The following MNAT1 variants were observed in gnomAD, a reference collection of about 807,000 sequenced individuals.
The protein encoded by MNAT1 is CDK-activating kinase assembly factor MAT1.
MNAT1 carries 43 observed loss-of-function variants against 42.0 expected under a neutral mutation model. That is an observed-to-expected ratio of 1.02 (90% confidence interval 0.80 to 1.32). MNAT1 has a LOEUF of 1.32. MNAT1 is among the 40% of genes most tolerant of loss of function. The pLI is 0.00. For missense variants in MNAT1, 306 were observed against 350.4 expected, an observed-to-expected ratio of 0.87 and a Z score of 1.01; for synonymous variants, 118 against 120.0, an observed-to-expected ratio of 0.98 and a Z score of 0.11.
chr14:60,745,985 G>T (rs1250640390), intron 1 of MNAT1, among the ~76,000 whole-genome samples: 1 of 151,700 alleles, frequency 6.6e-6, no homozygotes, highest in Non-Finnish European at 1.5e-5. Flanking sequence ...CTGAAGGGGA[G>T]GTAGTTTGTG....
intron 6 of MNAT1, among the ~76,000 whole-genome samples, chr14:60,854,296 T>C (rs36040227): frequency 6.6e-6 from 1 of 152,240 alleles, no homozygotes; most frequent in Non-Finnish European, 1.5e-5. Context: ...TGAAGCCTAC[T>C]TCTGTCAGTT....
intron 7 of MNAT1, among the ~76,000 whole-genome samples, chr14:60,942,314 A>G (rs376238267): frequency 9.2e-5 from 14 of 152,286 alleles, no homozygotes; most frequent in Admixed American, 5.2e-4. Context: ...GACTTCTTCC[A>G]TCTTGCCCTC....
chr14:60,840,413 T>C (rs1267933851), intron 6 of MNAT1, among the ~76,000 whole-genome samples: 1 of 152,174 alleles, frequency 6.6e-6, no homozygotes, highest in African/African-American at 2.4e-5. Flanking sequence ...GGGGAGTTCT[T>C]GTGCCAGAGT....
chr14:60,886,273 T>G (rs953522287), intron 7 of MNAT1, among the ~76,000 whole-genome samples: 4 of 152,038 alleles, frequency 2.6e-5, no homozygotes, highest in African/African-American at 4.8e-5. Context: ...TTTTTCTGTT[T>G]GTATTGAAAA....
intron 7 of MNAT1, among the ~76,000 whole-genome samples, chr14:60,899,924 G>A (rs907720577): frequency 7.8e-6 from 1 of 128,170 alleles, no homozygotes; most frequent in Non-Finnish European, 1.7e-5. Context: ...GTGGTGATTT[G>A]TGATTAGTGA....
intron 6 of MNAT1, among the ~76,000 whole-genome samples, chr14:60,853,126 T>G (rs1182913136): frequency 6.6e-6 from 1 of 152,170 alleles, no homozygotes; most frequent in Non-Finnish European, 1.5e-5. Flanking sequence ...CTCTATGAAT[T>G]TCTTTGGGCA....
intron 7 of MNAT1, among the ~76,000 whole-genome samples, chr14:60,888,941 A>G (rs1296861126): frequency 7.2e-6 from 1 of 139,380 alleles, no homozygotes. Context: ...GCTCAATGAA[A>G]TAAAAGAGGA....
At chr14:60,771,646 A>G (rs1037807776) in intron 1 of MNAT1, among the ~76,000 whole-genome samples, 2 of 152,038 alleles carry the variant, frequency 1.3e-5, no homozygotes, top group Non-Finnish European at 1.5e-5. Flanking sequence ...TCTTATTACA[A>G]TCCTTGCCTA....
At chr14:60,873,120 C>T (rs1263829264) in intron 6 of MNAT1, among the ~76,000 whole-genome samples, 1 of 152,076 alleles carries the variant, frequency 6.6e-6, no homozygotes, top group Non-Finnish European at 1.5e-5. Context: ...TTTTTCCCTT[C>T]CAAATTAGTA....
At chr14:60,886,447 C>G (rs553056986) in intron 7 of MNAT1, among the ~76,000 whole-genome samples, 25 of 151,840 alleles carry the variant, frequency 1.6e-4, no homozygotes, top group African/African-American at 5.6e-4. Context: ...GCTTTGACCT[C>G]CTTTGTTAAA....
intron 1 of MNAT1, among the ~76,000 whole-genome samples, chr14:60,774,898 G>A (rs1376268721): frequency 4.6e-5 from 7 of 152,128 alleles, no homozygotes; most frequent in African/African-American, 7.2e-5. Context: ...GACTTGTTAT[G>A]TTTTGTCATT....
chr14:60,862,598 G>A (rs1354052652), intron 6 of MNAT1, among the ~76,000 whole-genome samples: 2 of 152,168 alleles, frequency 1.3e-5, no homozygotes, highest in African/African-American at 4.8e-5. Flanking sequence ...GGAGGTCAGG[G>A]CATGTACAGT....
chr14:60,900,869 G>A (rs2035058169), intron 7 of MNAT1, among the ~76,000 whole-genome samples: 1 of 151,620 alleles, frequency 6.6e-6, no homozygotes, highest in Non-Finnish European at 1.5e-5. Flanking sequence ...GGTGATGGGA[G>A]GTAGCTACTC....
intron 1 of MNAT1, among the ~76,000 whole-genome samples, chr14:60,790,046 G>A (rs1443768827): frequency 6.6e-6 from 1 of 152,052 alleles, no homozygotes; most frequent in Non-Finnish European, 1.5e-5. Flanking sequence ...AGTATGTTGA[G>A]TTTGAGGTAA....
chr14:60,892,546 A>G lies in MNAT1; in HGVS notation c.809+12711A>G, dbSNP rs1169988590. Among the ~76,000 whole-genome samples, 4 of 152,048 alleles carry G rather than the reference A, an allele frequency of 2.6e-5. No homozygotes were observed. In the East Asian group the frequency reaches 5.8e-4, roughly 22 times the overall value. ...TCATGGTTTTATTTATTTTTTATGT[A>G]TTCTACCAATTTCTATCTTTTGATT... On this transcript the variant is annotated intron_variant, in intron 7 of 7. Coordinates refer to ENST00000261245, the MANE Select transcript of MNAT1 (RefSeq NM_002431.4).
intron 1 of MNAT1, among the ~76,000 whole-genome samples, chr14:60,736,725 A>C (rs544140137): frequency 6.6e-6 from 1 of 152,194 alleles, no homozygotes; most frequent in Admixed American, 6.5e-5. Flanking sequence ...GGAAATGACT[A>C]ACTCTTTGTT....
chr14:60,861,094 T>G (rs1212971150), intron 6 of MNAT1, among the ~76,000 whole-genome samples: 1 of 152,162 alleles, frequency 6.6e-6, no homozygotes, highest in Non-Finnish European at 1.5e-5. Flanking sequence ...ATATTATCAA[T>G]TTTTATCTTG....
chr14:60,780,103 C>A (rs141195303), intron 1 of MNAT1: 1 of 1,459,816 alleles, frequency 6.9e-7, no homozygotes, highest in Admixed American at 1.7e-5. Flanking sequence ...CATCTGAAAT[C>A]TTTACTCGAG....
chr14:60,841,357 ATTTG>A (rs2033546976), intron 6 of MNAT1, among the ~76,000 whole-genome samples: 1 of 150,848 alleles, frequency 6.6e-6, no homozygotes, highest in African/African-American at 2.5e-5. Context: ...TATTTATCTT[ATTTG>A]TTATGTTTTT....
Sources: gnomAD v4.1 joint callset for allele counts (sites outside exome capture counted in the v4.1 genomes callset) on GRCh38, gnomAD v4.1.1 for gene constraint, MANE v1.5 for transcripts, NCBI Gene and HGNC (gene_info 2026-07-23, HGNC 2026-07-21) for gene names.